Variants in NIPAL2 observed in about 807,000 individuals in gnomAD.
NIPAL2 encodes the protein NIPA-like protein 2.
A neutral mutation model predicts 48.9 loss-of-function variants in NIPAL2; 43 were observed. The observed-to-expected ratio is 0.88, with a 90% CI of 0.69 to 1.13. The LOEUF (loss-of-function observed/expected upper bound fraction) is 1.13, where lower values mean the gene tolerates loss of function less well. Ranked by LOEUF, NIPAL2 falls within the 50% of genes most tolerant of loss-of-function variation. NIPAL2 has a pLI of 0.00. For missense variants in NIPAL2, 446 were observed against 461.4 expected (o/e 0.97, Z 0.31); for synonymous variants, 167 against 174.6 (o/e 0.96, Z 0.34).
intron 1 of NIPAL2, among the ~76,000 whole-genome samples, chr8:98,275,120 G>A (rs6991420): frequency 0.052 from 7,925 of 152,078 alleles, 484 homozygotes; most frequent in African/African-American, 0.15. Context: ...CCAAGAAACT[G>A]GCATTGGTAA....
At chr8:98,194,494 C>A (rs1040741099) in intron 10 of NIPAL2, among the ~76,000 whole-genome samples, 2 of 152,140 alleles carry the variant, frequency 1.3e-5, no homozygotes, top group African/African-American at 4.8e-5. Context: ...CTCCAAATCA[C>A]CCAAATCGAG....
intron 4 of NIPAL2, among the ~76,000 whole-genome samples, chr8:98,223,057 A>C (rs1329876917): frequency 6.6e-6 from 1 of 152,112 alleles, no homozygotes; most frequent in Non-Finnish European, 1.5e-5. Context: ...CTCTACACTC[A>C]CTCATCCCTG....
chr8:98,219,609 C>T (rs13271958), intron 5 of NIPAL2, among the ~76,000 whole-genome samples: 9,273 of 152,196 alleles, frequency 0.061, 382 homozygotes, highest in Middle Eastern at 0.13. Context: ...TCACTCCTAG[C>T]CCCCTTCCTG....
intron 1 of NIPAL2, among the ~76,000 whole-genome samples, chr8:98,275,557 T>C (rs1815411451): frequency 6.6e-6 from 1 of 152,216 alleles, no homozygotes; most frequent in Non-Finnish European, 1.5e-5. Context: ...AAAGCTTCTA[T>C]GAACATTCGT....
intron 1 of NIPAL2, among the ~76,000 whole-genome samples, chr8:98,274,595 TTAATA>T (rs1316199672): frequency 1.3e-5 from 2 of 152,030 alleles, no homozygotes; most frequent in African/African-American, 2.4e-5. Context: ...TTATCTGATA[TTAATA>T]TAATATAATC....
intron 4 of NIPAL2, among the ~76,000 whole-genome samples, chr8:98,223,835 A>G (rs1015323116): frequency 6.6e-6 from 1 of 152,224 alleles, no homozygotes; most frequent in Non-Finnish European, 1.5e-5. Context: ...AAAACAAAAA[A>G]CAGTATACAT....
intron 1 of NIPAL2, among the ~76,000 whole-genome samples, chr8:98,260,635 C>A (rs1483820816): frequency 1.3e-5 from 2 of 152,106 alleles, no homozygotes; most frequent in Admixed American, 6.5e-5. Context: ...CCTACGCCCA[C>A]GGAGTCTCGC....
chr8:98,227,903 G>A (rs1186413385), intron 4 of NIPAL2, among the ~76,000 whole-genome samples: 2 of 152,212 alleles, frequency 1.3e-5, no homozygotes, highest in Non-Finnish European at 2.9e-5. Context: ...GCCCACAGTG[G>A]CAAGGCTTGC....
chr8:98,276,584 G>T (rs1346382948), intron 1 of NIPAL2, among the ~76,000 whole-genome samples: 1 of 152,088 alleles, frequency 6.6e-6, no homozygotes, highest in Non-Finnish European at 1.5e-5. Flanking sequence ...AAATACCAAG[G>T]TTGCTGAATT....
intron 9 of NIPAL2, 130 bp from the exon 10 acceptor site, chr8:98,194,952 G>T: frequency 2.0e-6 from 1 of 498,666 alleles, no homozygotes. Flanking sequence ...CTCATGGTAA[G>T]CTTCCTAGTA....
At chr8:98,250,287 A>T (rs1813520918) in intron 3 of NIPAL2, among the ~76,000 whole-genome samples, 1 of 152,204 alleles carries the variant, frequency 6.6e-6, no homozygotes, top group Non-Finnish European at 1.5e-5. Context: ...TAACATAGGA[A>T]AGTGTGGATT....
At position 98,222,479 on chromosome 8, in the gene NIPAL2, C is replaced by G; in HGVS notation, c.558G>C (p.Val186=). 1.2e-6 allele frequency: 2 copies of G among 1,612,292 alleles called. No homozygotes were observed. Among genetic ancestry groups the G allele is most frequent in the Non-Finnish European group, 1.7e-6 (2 of 1,179,486 alleles). Reference sequence around the variant, plus strand: ...ATAGTAAAATATTTAGAATTCTTACCACATAGATCAGGAACTGCCATCCGA... The same window carrying G: ...ATAGTAAAATATTTAGAATTCTTACGACATAGATCAGGAACTGCCATCCGA... ...YLVGWQFLIY[V]ILEILIFCIL... is the part of the protein sequence containing the mutation. The change falls in exon 5 of 11, where the codon GTG becomes GTC. Residue 186 remains valine, a splice_region_variant and synonymous_variant. Coordinates refer to ENST00000430223, the MANE Select transcript of NIPAL2 (RefSeq NM_001321635.2).
At chr8:98,223,454 G>A (rs543230701) in intron 4 of NIPAL2, among the ~76,000 whole-genome samples, 43 of 152,256 alleles carry the variant, frequency 2.8e-4, no homozygotes, top group South Asian at 1.2e-3. Flanking sequence ...CAAAACACCC[G>A]TGGTATAAGT....
chr8:98,219,791 A>G (rs1256868371), intron 5 of NIPAL2, among the ~76,000 whole-genome samples: 1 of 152,004 alleles, frequency 6.6e-6, no homozygotes, highest in Non-Finnish European at 1.5e-5. Flanking sequence ...CTAATAAACA[A>G]ATCTGACCGG....
At chr8:98,290,023 G>A (rs1816409318) in intron 1 of NIPAL2, among the ~76,000 whole-genome samples, 1 of 152,138 alleles carries the variant, frequency 6.6e-6, no homozygotes, top group Non-Finnish European at 1.5e-5. Flanking sequence ...TCAAGCCTTA[G>A]TTTCTAGCAA....
At chr8:98,280,707 T>C (rs553052292) in intron 1 of NIPAL2, among the ~76,000 whole-genome samples, 8 of 140,612 alleles carry the variant, frequency 5.7e-5, no homozygotes, top group Admixed American at 1.5e-4. Flanking sequence ...ATTTATAACA[T>C]GTGCCTCTGA....
At chr8:98,265,019 A>G (rs1395052715) in intron 1 of NIPAL2, among the ~76,000 whole-genome samples, 1 of 143,828 alleles carries the variant, frequency 7.0e-6, no homozygotes, top group African/African-American at 2.6e-5. Flanking sequence ...TGAGAAAAAC[A>G]AGCAATGGGG....
chr8:98,197,277 T>C (rs1810594358), intron 8 of NIPAL2, among the ~76,000 whole-genome samples: 1 of 152,234 alleles, frequency 6.6e-6, no homozygotes, highest in Non-Finnish European at 1.5e-5. Flanking sequence ...GTTTATCAAA[T>C]GTGCAATAGC....
intron 1 of NIPAL2, among the ~76,000 whole-genome samples, chr8:98,259,923 CGAATT>C (rs1814189879): frequency 6.6e-6 from 1 of 152,134 alleles, no homozygotes; most frequent in Non-Finnish European, 1.5e-5. Flanking sequence ...CCCCAGCTGA[CGAATT>C]GATTCCAAAG....
Sources: allele counts gnomAD v4.1 joint callset (sites outside exome capture counted in the v4.1 genomes callset), GRCh38; gene constraint gnomAD v4.1.1; transcripts MANE v1.5; gene names NCBI Gene and HGNC (gene_info 2026-07-23, HGNC 2026-07-21).